Variants in GABRG3 observed in about 807,000 individuals in gnomAD.
GABRG3 encodes gamma-aminobutyric acid type A receptor subunit gamma3.
Under a neutral mutation model 48.8 loss-of-function variants are expected in GABRG3, and 25 were observed. The observed-to-expected ratio is 0.51, with a 90% CI of 0.37 to 0.72. GABRG3 has a LOEUF of 0.72. Among genes scored for constraint, GABRG3 ranks in the 30% least tolerant of loss-of-function variants. The pLI is 0.00. For missense variants in GABRG3, 394 were observed against 577.9 expected (o/e 0.68, Z 3.26); for synonymous variants, 227 against 217.6 (o/e 1.04, Z -0.38).
intron 3 of GABRG3, among the ~76,000 whole-genome samples, chr15:27,123,189 A>G (rs1566940983): frequency 6.6e-6 from 1 of 152,240 alleles, no homozygotes; most frequent in Admixed American, 6.5e-5. Context: ...TAGGTGTGTC[A>G]ATATGTTAGT....
chr15:27,089,337 C>T (rs1213682745), intron 3 of GABRG3, among the ~76,000 whole-genome samples: 1 of 152,086 alleles, frequency 6.6e-6, no homozygotes, highest in Non-Finnish European at 1.5e-5. Context: ...GCCTGCAGTC[C>T]CCATGGTATA....
At chr15:27,212,469 G>A (rs2140435547) in intron 3 of GABRG3, among the ~76,000 whole-genome samples, 1 of 152,280 alleles carries the variant, frequency 6.6e-6, no homozygotes, top group South Asian at 2.1e-4. Context: ...TATGGGGTAA[G>A]TTTCTTTTAG....
At chr15:27,173,340 T>C (rs405272) in intron 3 of GABRG3, among the ~76,000 whole-genome samples, 46,148 of 152,034 alleles carry the variant, frequency 0.3, 9,127 homozygotes, top group African/African-American at 0.55. Context: ...CTAACAGGGC[T>C]GCAGCACTGA....
chr15:27,406,678 A>T (rs12593021), intron 5 of GABRG3, among the ~76,000 whole-genome samples: 26,421 of 152,168 alleles, frequency 0.17, 2,972 homozygotes, highest in African/African-American at 0.32. Context: ...TAAGGAGAGA[A>T]CACAGATAAT....
At chr15:26,998,696 A>C (rs977546438) in intron 2 of GABRG3, among the ~76,000 whole-genome samples, 2 of 152,160 alleles carry the variant, frequency 1.3e-5, no homozygotes, top group Non-Finnish European at 2.9e-5. Flanking sequence ...TCTAGAGTGA[A>C]ATCATTATCT....
At chr15:27,269,584 A>G (rs748732343) in intron 3 of GABRG3, among the ~76,000 whole-genome samples, 2 of 152,218 alleles carry the variant, frequency 1.3e-5, no homozygotes, top group Non-Finnish European at 2.9e-5. Context: ...CATATTTTAA[A>G]TGAATTTTCA....
Position 27,147,482 on chromosome 15 carries a change from A to G in GABRG3, c.270+120661A>G, listed in dbSNP as rs1308076795. Among the ~76,000 whole-genome samples, 4 of 152,176 alleles carry G rather than the reference A, an allele frequency of 2.6e-5. No homozygotes were observed. The East Asian group carries it at 7.7e-4, about 29-fold the overall frequency. On this transcript the variant is annotated intron_variant, in intron 3 of 9. Transcript: ENST00000615808. Reference sequence around the variant, plus strand: ...ACTAGACCTAACAGACATCTGTACAACCCAATGACAGTGGAATACATATTC... The same window carrying G: ...ACTAGACCTAACAGACATCTGTACAGCCCAATGACAGTGGAATACATATTC...
chr15:27,005,357 C>G (rs368309341), intron 2 of GABRG3, among the ~76,000 whole-genome samples: 1 of 152,104 alleles, frequency 6.6e-6, no homozygotes, highest in South Asian at 2.1e-4. Context: ...CAGGCCACCA[C>G]GCCCAGCTTT....
At chr15:27,037,558 A>G (rs745485387) in intron 3 of GABRG3, among the ~76,000 whole-genome samples, 1 of 152,098 alleles carries the variant, frequency 6.6e-6, no homozygotes, top group African/African-American at 2.4e-5. Context: ...GTCTCTTCCC[A>G]TACATCTTTC....
intron 2 of GABRG3, among the ~76,000 whole-genome samples, chr15:27,024,790 G>A (rs181911938): frequency 4.7e-4 from 71 of 152,266 alleles, no homozygotes; most frequent in Non-Finnish European, 9.6e-4. Flanking sequence ...ACTTTGGGAG[G>A]CTGGGGTGGG....
intron 5 of GABRG3, among the ~76,000 whole-genome samples, chr15:27,349,921 T>A (rs1894499414): frequency 9.5e-6 from 1 of 104,984 alleles, no homozygotes; most frequent in African/African-American, 3.8e-5. Context: ...CTGCATCCTT[T>A]ACTGCCCTAA....
chr15:27,139,127 A>G (rs1306360364), intron 3 of GABRG3, among the ~76,000 whole-genome samples: 3 of 152,168 alleles, frequency 2.0e-5, no homozygotes, highest in Non-Finnish European at 2.9e-5. Flanking sequence ...GAAAAGTCCC[A>G]TGATGAGCTG....
chr15:27,213,930 A>G (rs1034109492), intron 3 of GABRG3, among the ~76,000 whole-genome samples: 3 of 152,120 alleles, frequency 2.0e-5, no homozygotes, highest in African/African-American at 4.8e-5. Context: ...GAAGGGGGAA[A>G]CTCAGAGTTT....
chr15:27,281,533 T>C (rs976056155), intron 3 of GABRG3, among the ~76,000 whole-genome samples: 5 of 151,760 alleles, frequency 3.3e-5, no homozygotes, highest in Non-Finnish European at 7.4e-5. Context: ...GGTATATCTT[T>C]TTGTATAGTT....
chr15:27,036,633 T>G (rs544473717), intron 3 of GABRG3, among the ~76,000 whole-genome samples: 9 of 152,236 alleles, frequency 5.9e-5, no homozygotes, highest in African/African-American at 2.2e-4. Context: ...GAGGTTGCAG[T>G]GAGCTGAGAT....
At chr15:27,292,290 G>A (rs894589283) in intron 3 of GABRG3, among the ~76,000 whole-genome samples, 5 of 148,108 alleles carry the variant, frequency 3.4e-5, no homozygotes, top group African/African-American at 1.3e-4. Context: ...GGGGTGGGGG[G>A]CTAGGGGAGG....
chr15:27,436,995 TAGAGAGAGAGAG>T (rs10549691), intron 5 of GABRG3, among the ~76,000 whole-genome samples: 142 of 130,594 alleles, frequency 1.1e-3, no homozygotes, highest in Middle Eastern at 3.9e-3. Flanking sequence ...CTCCGAAAAA[TAGAGAGAGAGAG>T]AGAGAGAGAG....
intron 3 of GABRG3, among the ~76,000 whole-genome samples, chr15:27,308,508 C>G (rs1382614946): frequency 2.7e-5 from 4 of 146,510 alleles, no homozygotes; most frequent in Non-Finnish European, 4.5e-5. Flanking sequence ...TTTATATAAA[C>G]ATAATGTAAA....
chr15:27,386,698 C>A (rs1895932293), intron 5 of GABRG3, among the ~76,000 whole-genome samples: 1 of 152,148 alleles, frequency 6.6e-6, no homozygotes, highest in Non-Finnish European at 1.5e-5. Flanking sequence ...ATGTGAGCAA[C>A]CCCTGGCTAA....
Sources: gnomAD v4.1 joint callset for allele counts (sites outside exome capture counted in the v4.1 genomes callset) on GRCh38, gnomAD v4.1.1 for gene constraint, MANE v1.5 for transcripts, NCBI Gene and HGNC (gene_info 2026-07-23, HGNC 2026-07-21) for gene names.